VAV3: variants seen among roughly 807,000 people sequenced by gnomAD.
The protein encoded by VAV3 is vav guanine nucleotide exchange factor 3.
Under a neutral mutation model 131.2 loss-of-function variants are expected in VAV3, and 94 were observed. That is an observed-to-expected ratio of 0.72 (90% confidence interval 0.61 to 0.85). VAV3 has a LOEUF of 0.85. Among genes scored for constraint, VAV3 ranks in the 40% least tolerant of loss-of-function variants. VAV3 has a pLI of 0.00. For missense variants in VAV3, 939 were observed against 1,002.7 expected (o/e 0.94, Z 0.86); for synonymous variants, 349 against 342.0 (o/e 1.02, Z -0.22).
chr1:107,765,682 C>A (rs1664696468), intron 8 of VAV3, among the ~76,000 whole-genome samples: 1 of 152,128 alleles, frequency 6.6e-6, no homozygotes. Context: ...CTGAACTGTT[C>A]TGGACAGAAG....
At chr1:107,868,705 TGTA>T (rs1016547406) in intron 2 of VAV3, among the ~76,000 whole-genome samples, 1 of 152,152 alleles carries the variant, frequency 6.6e-6, no homozygotes, top group Non-Finnish European at 1.5e-5. Context: ...CGATAGGAGA[TGTA>T]GAGGCTTAAC....
At chr1:107,575,000 TGCGCGCGCGCGC>T (rs1219875000) in intron 25 of VAV3, among the ~76,000 whole-genome samples, 26 of 103,858 alleles carry the variant, frequency 2.5e-4, no homozygotes, top group African/African-American at 8.6e-4. Flanking sequence ...TGTGCGTGCG[TGCGCGCGCGCGC>T]GCGCACACGC....
intron 1 of VAV3, among the ~76,000 whole-genome samples, chr1:107,933,136 G>A (rs569224923): frequency 2.0e-5 from 3 of 152,182 alleles, no homozygotes; most frequent in East Asian, 1.9e-4. Context: ...TTACTATTCC[G>A]AGGCCTAAAT....
At chr1:107,758,848 T>C (rs1021994952) in intron 10 of VAV3, among the ~76,000 whole-genome samples, 1 of 152,182 alleles carries the variant, frequency 6.6e-6, no homozygotes, top group African/African-American at 2.4e-5. Context: ...CATACTAAAT[T>C]AATTGCAATT....
At chr1:107,764,244 T>C (rs144095212) in intron 9 of VAV3, among the ~76,000 whole-genome samples, 79 of 152,302 alleles carry the variant, frequency 5.2e-4, no homozygotes, top group African/African-American at 1.8e-3. Flanking sequence ...GGTCAATACA[T>C]ACCAATTGTT....
chr1:107,865,878 T>C (rs574165476), intron 2 of VAV3, among the ~76,000 whole-genome samples: 7 of 152,264 alleles, frequency 4.6e-5, no homozygotes, highest in African/African-American at 1.4e-4. Flanking sequence ...GTTAACTGAA[T>C]GCAGGCACCA....
chr1:107,943,166 G>A (rs1674080351), intron 1 of VAV3, among the ~76,000 whole-genome samples: 1 of 151,776 alleles, frequency 6.6e-6, no homozygotes, highest in Admixed American at 6.6e-5. Context: ...AGTCACTTCT[G>A]GCCATCTTTT....
intron 1 of VAV3, among the ~76,000 whole-genome samples, chr1:107,912,777 C>T (rs1265270591): frequency 2.6e-5 from 4 of 152,240 alleles, no homozygotes. Context: ...CAACTGCAAA[C>T]TTGGTTGACC....
intron 10 of VAV3, 65 bp from the exon 11 acceptor site, chr1:107,757,394 C>A: frequency 7.6e-7 from 1 of 1,317,756 alleles, no homozygotes; most frequent in Non-Finnish European, 1.1e-6. Flanking sequence ...CTAAAGAAAA[C>A]ATTTTTACAA....
At chr1:107,596,132 T>A in intron 25 of VAV3, 80 bp downstream of exon 25, 1 of 1,540,898 alleles carries the variant, frequency 6.5e-7, no homozygotes, top group Non-Finnish European at 8.8e-7. Flanking sequence ...TATTTTAAAA[T>A]TTGGAAGGAA....
intron 24 of VAV3, among the ~76,000 whole-genome samples, chr1:107,599,322 C>T (rs979079255): frequency 2.0e-5 from 3 of 152,136 alleles, no homozygotes; most frequent in Admixed American, 6.6e-5. Context: ...GTATTTTAGT[C>T]TAATCCACCC....
At chr1:107,607,512 G>T (rs138384229) in intron 22 of VAV3, among the ~76,000 whole-genome samples, 1 of 152,166 alleles carries the variant, frequency 6.6e-6, no homozygotes, top group African/African-American at 2.4e-5. Context: ...GTCTCTGCTA[G>T]GCTTGATCTT....
At chr1:107,763,859 C>T (rs546493279) in intron 9 of VAV3, among the ~76,000 whole-genome samples, 51 of 152,184 alleles carry the variant, frequency 3.4e-4, no homozygotes, top group African/African-American at 1.1e-3. Flanking sequence ...AATCACCTGC[C>T]CCTTCTCCCC....
intron 17 of VAV3, among the ~76,000 whole-genome samples, chr1:107,692,199 A>C (rs1659471864): frequency 6.6e-6 from 1 of 152,196 alleles, no homozygotes; most frequent in African/African-American, 2.4e-5. Flanking sequence ...TTTTGGAGAA[A>C]GTTCACTTTC....
At chr1:107,742,624 C>T (rs1663090437) in intron 15 of VAV3, among the ~76,000 whole-genome samples, 1 of 152,088 alleles carries the variant, frequency 6.6e-6, no homozygotes, top group Admixed American at 6.6e-5. Flanking sequence ...CAAACAAACC[C>T]AATACTTTCT....
intron 25 of VAV3, among the ~76,000 whole-genome samples, chr1:107,585,514 T>C (rs971645008): frequency 1.1e-4 from 17 of 152,190 alleles, no homozygotes; most frequent in African/African-American, 4.1e-4. Context: ...TGGCCTCACT[T>C]ACCCCTTGAA....
chr1:107,963,606 A>G (rs1289545504), intron 1 of VAV3: 8 of 152,142 alleles, frequency 5.3e-5, no homozygotes. Flanking sequence ...TACTTATTAA[A>G]TCATATAAAG....
intron 25 of VAV3, among the ~76,000 whole-genome samples, chr1:107,577,805 A>AT (rs1553259091): frequency 6.6e-6 from 1 of 152,126 alleles, no homozygotes; most frequent in African/African-American, 2.4e-5. Flanking sequence ...TATTTCTAGG[A>AT]TTTTTTGGGA....
At chr1:107,862,347 C>T (rs1384071400) in intron 2 of VAV3, among the ~76,000 whole-genome samples, 1 of 151,412 alleles carries the variant, frequency 6.6e-6, no homozygotes, top group African/African-American at 2.4e-5. Context: ...CACACTACCC[C>T]TCTCACTGAG....
Sources: gnomAD v4.1 joint callset for allele counts (sites outside exome capture counted in the v4.1 genomes callset) on GRCh38, gnomAD v4.1.1 for gene constraint, MANE v1.5 for transcripts, NCBI Gene and HGNC (gene_info 2026-07-23, HGNC 2026-07-21) for gene names.